Variants in PDE4D observed in about 807,000 individuals in gnomAD.
PDE4D encodes 3',5'-cyclic-AMP phosphodiesterase 4D.
A neutral mutation model predicts 87.4 loss-of-function variants in PDE4D; 24 were observed. That is an observed-to-expected ratio of 0.27 (90% CI 0.20 to 0.39). PDE4D has a LOEUF of 0.39. Ranked by LOEUF, PDE4D falls within the 10% of genes least tolerant of loss-of-function variation. PDE4D has a pLI of 1.00. For missense variants in PDE4D, 714 were observed against 1,041.0 expected, an observed-to-expected ratio of 0.69 and a Z score of 4.32; for synonymous variants, 384 against 383.2, an observed-to-expected ratio of 1.00 and a Z score of -0.02.
intron 1 of PDE4D, among the ~76,000 whole-genome samples, chr5:59,245,861 TG>T: frequency 6.6e-6 from 1 of 151,920 alleles, no homozygotes; most frequent in Non-Finnish European, 1.5e-5. Flanking sequence ...ATTGTAAAAA[TG>T]GAAAAATCAG....
At chr5:59,318,357 T>C (rs992608118) in intron 1 of PDE4D, among the ~76,000 whole-genome samples, 3 of 152,144 alleles carry the variant, frequency 2.0e-5, no homozygotes, top group African/African-American at 7.2e-5. Context: ...TTAGGTCACA[T>C]AGCTAGGGAC....
intron 1 of PDE4D, among the ~76,000 whole-genome samples, chr5:59,440,280 A>T (rs1308032034): frequency 2.6e-5 from 4 of 152,238 alleles, no homozygotes; most frequent in Non-Finnish European, 4.4e-5. Flanking sequence ...AATTAAGAGT[A>T]AATTAGTTAC....
At chr5:60,475,696 C>T (rs1748255406) in intron 1 of PDE4D, among the ~76,000 whole-genome samples, 1 of 151,476 alleles carries the variant, frequency 6.6e-6, no homozygotes, top group African/African-American at 2.4e-5. Flanking sequence ...CAGTAGTGTA[C>T]AAAACAGACT....
intron 2 of PDE4D, among the ~76,000 whole-genome samples, chr5:60,017,485 C>T (rs1435596404): frequency 6.6e-6 from 1 of 152,026 alleles, no homozygotes; most frequent in African/African-American, 2.4e-5. Flanking sequence ...GTGTGTTGTT[C>T]CCCTCCCTTT....
At chr5:59,936,695 A>T (rs1361815632) in intron 3 of PDE4D, among the ~76,000 whole-genome samples, 1 of 152,132 alleles carries the variant, frequency 6.6e-6, no homozygotes, top group African/African-American at 2.4e-5. Context: ...GTCACATCCA[A>T]TCCTATATTG....
chr5:59,192,785 T>C (rs1465775066), intron 3 of PDE4D, among the ~76,000 whole-genome samples: 1 of 152,138 alleles, frequency 6.6e-6, no homozygotes, highest in Non-Finnish European at 1.5e-5. Context: ...ACTAGAAAAA[T>C]ACTAAGGCCT....
intron 1 of PDE4D, among the ~76,000 whole-genome samples, chr5:59,890,335 G>A (rs1285163926): frequency 4.0e-5 from 6 of 150,348 alleles, no homozygotes; most frequent in African/African-American, 4.9e-5. Flanking sequence ...TGAAAAAGAC[G>A]TTAGATGTTC....
At chr5:59,458,663 T>C (rs1456809538) in intron 1 of PDE4D, among the ~76,000 whole-genome samples, 1 of 152,220 alleles carries the variant, frequency 6.6e-6, no homozygotes, top group Non-Finnish European at 1.5e-5. Context: ...AAACCCAGAT[T>C]GGTACCTTGT....
chr5:59,412,323 A>G (rs1033136128), intron 1 of PDE4D, among the ~76,000 whole-genome samples: 1 of 152,172 alleles, frequency 6.6e-6, no homozygotes, highest in Non-Finnish European at 1.5e-5. Context: ...TCACCATTTC[A>G]TTTCAGGAAA....
intron 1 of PDE4D, among the ~76,000 whole-genome samples, chr5:60,332,948 C>T (rs990337696): frequency 5.9e-5 from 9 of 152,300 alleles, no homozygotes; most frequent in Non-Finnish European, 1.3e-4. Flanking sequence ...CCAGGTATAG[C>T]ATCCTGACAT....
intron 3 of PDE4D, among the ~76,000 whole-genome samples, chr5:59,967,363 A>G (rs1476002482): frequency 6.6e-6 from 1 of 152,212 alleles, no homozygotes; most frequent in Non-Finnish European, 1.5e-5. Flanking sequence ...CAAACTATGC[A>G]TATGACAATG....
chr5:59,754,062 G>A (rs1191359484), intron 1 of PDE4D, among the ~76,000 whole-genome samples: 2 of 152,178 alleles, frequency 1.3e-5, no homozygotes, highest in African/African-American at 4.8e-5. Context: ...AGGTACAGTG[G>A]CTCATGCCTG....
intron 1 of PDE4D, among the ~76,000 whole-genome samples, chr5:59,511,354 T>C (rs928070578): frequency 6.6e-6 from 1 of 151,920 alleles, no homozygotes; most frequent in Non-Finnish European, 1.5e-5. Flanking sequence ...GAAAGTAAGA[T>C]AAAAAGTATA....
chr5:59,216,881 C>T (rs1338534487), intron 1 of PDE4D: 6 of 190,262 alleles, frequency 3.2e-5, no homozygotes. Context: ...TCCCAAGACA[C>T]TTTCCCACTC....
At chr5:59,123,877 C>T (rs1178976470) in intron 5 of PDE4D, among the ~76,000 whole-genome samples, 1 of 152,096 alleles carries the variant, frequency 6.6e-6, no homozygotes, top group Non-Finnish European at 1.5e-5. Context: ...TTCTAAGCTA[C>T]GTGACTCTGG....
At chr5:59,331,282 A>G (rs1776683163) in intron 1 of PDE4D, among the ~76,000 whole-genome samples, 1 of 152,172 alleles carries the variant, frequency 6.6e-6, no homozygotes, top group Non-Finnish European at 1.5e-5. Flanking sequence ...CGGAGGCCAG[A>G]GGACTGAGGT....
At chr5:59,258,270 C>A (rs1020588368) in intron 1 of PDE4D, among the ~76,000 whole-genome samples, 3 of 151,922 alleles carry the variant, frequency 2.0e-5, no homozygotes, top group Admixed American at 6.6e-5. Flanking sequence ...GACACACAGA[C>A]ACAGACACAC....
chr5:59,948,993 G>C (rs1757989288), intron 3 of PDE4D, among the ~76,000 whole-genome samples: 1 of 152,192 alleles, frequency 6.6e-6, no homozygotes, highest in Non-Finnish European at 1.5e-5. Context: ...AGCAAAGTAA[G>C]TTTAAGTAAC....
At chr5:59,907,338 C>T (rs990116318) in intron 3 of PDE4D, among the ~76,000 whole-genome samples, 21 of 151,974 alleles carry the variant, frequency 1.4e-4, no homozygotes, top group African/African-American at 3.1e-4. Flanking sequence ...TATAAAGATC[C>T]ATTTAGTAAA....
Sources: gnomAD v4.1 joint callset for allele counts (sites outside exome capture counted in the v4.1 genomes callset) on GRCh38, gnomAD v4.1.1 for gene constraint, MANE v1.5 for transcripts, NCBI Gene and HGNC (gene_info 2026-07-23, HGNC 2026-07-21) for gene names.